Variants in ATP10A observed in about 807,000 individuals in gnomAD.
ATP10A encodes phospholipid-transporting ATPase VA.
In ATP10A, 111 loss-of-function variants were observed where a neutral mutation model predicts 147.8. The observed-to-expected ratio is 0.75, with a 90% CI of 0.64 to 0.88. The LOEUF is 0.88. Among genes scored for constraint, ATP10A ranks in the 40% least tolerant of loss-of-function variants. ATP10A has a pLI of 0.00. For synonymous variants in ATP10A, 875 were observed against 841.6 expected, an observed-to-expected ratio of 1.04 and a Z score of -0.69; for missense variants, 1,927 against 1,959.0, an observed-to-expected ratio of 0.98 and a Z score of 0.31.
intron 1 of ATP10A, among the ~76,000 whole-genome samples, chr15:25,828,524 TC>T (rs1892215200): frequency 6.6e-6 from 1 of 152,094 alleles, no homozygotes. Flanking sequence ...CATTAAACAA[TC>T]CACTCTTAAA....
intron 1 of ATP10A, among the ~76,000 whole-genome samples, chr15:25,830,272 C>T (rs1192095903): frequency 6.6e-6 from 1 of 152,128 alleles, no homozygotes; most frequent in African/African-American, 2.4e-5. Flanking sequence ...GCCTCAGAGG[C>T]CAGGCTCCAC....
At position 25,708,030 on chromosome 15, in the gene ATP10A, C is replaced by T. The variant is rs754770410; in HGVS notation, c.2521G>A (p.Glu841Lys). Residue 841 changes from glutamate to lysine, a missense_variant, in exon 12 of 21, where the codon GAG (glutamate) becomes AAG (lysine). Coordinates refer to ENST00000555815, the MANE Select transcript of ATP10A (RefSeq NM_024490.4). ...ATGGCAGACTGGAAGAGGAGCTCCT[C>T]GCTGTTTTCCAGGGAGGATTCGGCT... ...LEAESSLENS[E>K]ELLFQSAIRL... is the part of the protein sequence containing the mutation. 18 of 1,614,156 alleles carry T rather than the reference C, an allele frequency of 1.1e-5. No individual in the cohort carries two copies. The highest frequency in any genetic ancestry group is 2.2e-5 in the East Asian group (1 of 44,876).
intron 8 of ATP10A, 125 bp from the exon 9 acceptor site, chr15:25,717,049 T>A: frequency 1.8e-6 from 1 of 567,482 alleles, no homozygotes; most frequent in Non-Finnish European, 2.7e-6. Flanking sequence ...CTCATATACA[T>A]ATATGTCATT....
intron 2 of ATP10A, among the ~76,000 whole-genome samples, chr15:25,761,026 C>T (rs1888730125): frequency 6.6e-6 from 1 of 152,114 alleles, no homozygotes; most frequent in African/African-American, 2.4e-5. Flanking sequence ...AAATGTCTAT[C>T]AACAGATGAA....
At chr15:25,757,716 T>C (rs1034582213) in intron 2 of ATP10A, among the ~76,000 whole-genome samples, 1 of 152,244 alleles carries the variant, frequency 6.6e-6, no homozygotes, top group Non-Finnish European at 1.5e-5. Flanking sequence ...AATTGTTAGA[T>C]ATGAGTTCTA....
At chr15:25,753,378 ATGT>A (rs1420087084) in intron 2 of ATP10A, among the ~76,000 whole-genome samples, 1 of 152,128 alleles carries the variant, frequency 6.6e-6, no homozygotes, top group African/African-American at 2.4e-5. Flanking sequence ...ACTTAACATA[ATGT>A]TGTCTAACTC....
At chr15:25,703,907 C>T (rs1450646915) in intron 12 of ATP10A, among the ~76,000 whole-genome samples, 1 of 152,220 alleles carries the variant, frequency 6.6e-6, no homozygotes, top group Non-Finnish European at 1.5e-5. Flanking sequence ...GAACATTGCA[C>T]CCATGCTGCA....
At chr15:25,849,247 T>C (rs963050552) in intron 1 of ATP10A, among the ~76,000 whole-genome samples, 8 of 152,040 alleles carry the variant, frequency 5.3e-5, no homozygotes, top group Middle Eastern at 3.2e-3. Context: ...GGTGTGGACG[T>C]TGGATTGGGT....
rs1397400129 is a variant in ATP10A, at chr15:25,837,984, T to G, written c.449+24664A>C. Among the ~76,000 whole-genome samples, 3 of 152,222 alleles carry G rather than the reference T, an allele frequency of 2.0e-5. No individual in the cohort carries two copies. In the East Asian group the frequency reaches 5.8e-4, roughly 29 times the overall value. The stretch of plus-strand genomic sequence containing the variant: ...AGAGGGACAGCTGAGCTGCCAGGGC[T>G]CCGGGCCATGGAGCTAGTTTGCACA... On this transcript the variant is annotated intron_variant, in intron 1 of 20. Coordinates refer to ENST00000555815, the MANE Select transcript of ATP10A (RefSeq NM_024490.4).
At chr15:25,716,032 A>T (rs940380982) in intron 9 of ATP10A, among the ~76,000 whole-genome samples, 8 of 152,208 alleles carry the variant, frequency 5.3e-5, no homozygotes, top group African/African-American at 1.9e-4. Context: ...GAAAACCTTA[A>T]TGTCAGACTG....
intron 2 of ATP10A, among the ~76,000 whole-genome samples, chr15:25,774,124 C>T (rs1889485535): frequency 6.6e-6 from 1 of 151,976 alleles, no homozygotes; most frequent in Non-Finnish European, 1.5e-5. Flanking sequence ...ATTAAAACAT[C>T]TTACTGCTTT....
intron 1 of ATP10A, among the ~76,000 whole-genome samples, chr15:25,820,812 A>G (rs191684636): frequency 8.3e-4 from 126 of 152,318 alleles, no homozygotes; most frequent in Admixed American, 7.0e-3. Flanking sequence ...ACATAAAACC[A>G]TAAGGCAAAC....
intron 13 of ATP10A, among the ~76,000 whole-genome samples, chr15:25,701,030 A>G (rs1239922367): frequency 2.6e-5 from 4 of 152,132 alleles, no homozygotes; most frequent in South Asian, 4.1e-4. Flanking sequence ...GGCTGTGAAG[A>G]AAGGACTGGG....
chr15:25,701,999 G>T lies in ATP10A; in HGVS notation c.2677C>A (p.Gln893Lys). Reference sequence around the variant, plus strand: ...TATGCAATGTTGACAGCTGTTTCTTGTTTGTCACCAGTGAGAACCCAAATC... The same window carrying T: ...TATGCAATGTTGACAGCTGTTTCTTTTTTGTCACCAGTGAGAACCCAAATC... ...LQIWVLTGDKQETAVNIAYAC... is the reference protein window; with the variant it reads ...LQIWVLTGDKKETAVNIAYAC... Residue 893 changes from glutamine to lysine, a missense_variant, in exon 13 of 21, where the codon CAA (glutamine) becomes AAA (lysine). Gln to Lys is a moderately conservative substitution (Grantham distance 53). Coordinates refer to ENST00000555815, the MANE Select transcript of ATP10A (RefSeq NM_024490.4). The T allele has an allele frequency of 1.9e-6, 3 of 1,614,166 alleles. No individual in the cohort carries two copies. Among genetic ancestry groups the T allele is most frequent in the South Asian group, 2.2e-5 (2 of 91,080 alleles).
intron 17 of ATP10A, among the ~76,000 whole-genome samples, chr15:25,681,870 G>A (rs1268315700): frequency 6.6e-6 from 1 of 152,058 alleles, no homozygotes; most frequent in South Asian, 2.1e-4. Flanking sequence ...TGGTTAACAT[G>A]GTGAAACCCC....
At chr15:25,675,442 A>G (rs1264146399), downstream of ATP10A, among the ~76,000 whole-genome samples, 1 of 152,182 alleles carries the variant, frequency 6.6e-6, no homozygotes, top group Non-Finnish European at 1.5e-5. Context: ...TTGTGTGAGA[A>G]CAGGCTAGGT....
intron 1 of ATP10A, 97 bp downstream of exon 1, chr15:25,862,551 G>T (rs1893809633): frequency 7.5e-7 from 1 of 1,331,664 alleles, no homozygotes; most frequent in Non-Finnish European, 1.0e-6. Flanking sequence ...TGCCTTCTAA[G>T]CACCCAGCCC....
intron 1 of ATP10A, among the ~76,000 whole-genome samples, chr15:25,810,209 T>A (rs1339019240): frequency 2.6e-5 from 4 of 151,662 alleles, no homozygotes; most frequent in Non-Finnish European, 5.9e-5. Context: ...GCTCCTCATT[T>A]CCCCCCAGAC....
At chr15:25,691,874 TC>T (rs1900056032) in intron 14 of ATP10A, 83 bp from the exon 15 acceptor site, 2 of 1,551,878 alleles carry the variant, frequency 1.3e-6, no homozygotes, top group Non-Finnish European at 1.8e-6. Flanking sequence ...TTCTTGGGAG[TC>T]CCCGCTGAAC....
Sources: allele counts gnomAD v4.1 joint callset (sites outside exome capture counted in the v4.1 genomes callset), GRCh38; gene constraint gnomAD v4.1.1; transcripts MANE v1.5; gene names NCBI Gene and HGNC (gene_info 2026-07-23, HGNC 2026-07-21).